The following ARSK variants were observed in gnomAD, a reference collection of about 807,000 sequenced individuals.
The protein encoded by ARSK is arylsulfatase K.
A neutral mutation model predicts 53.2 loss-of-function variants in ARSK; 37 were observed. That is an observed-to-expected ratio of 0.70 (90% CI 0.54 to 0.92). ARSK has a LOEUF of 0.92. ARSK is among the 40% of genes least tolerant of loss of function. ARSK has a pLI of 0.00. For synonymous variants in ARSK, 208 were observed against 223.2 expected, an observed-to-expected ratio of 0.93 and a Z score of 0.61; for missense variants, 613 against 643.0, an observed-to-expected ratio of 0.95 and a Z score of 0.51.
intron 3 of ARSK, among the ~76,000 whole-genome samples, chr5:95,569,306 A>T (rs1748782816): frequency 6.6e-6 from 1 of 152,214 alleles, no homozygotes; most frequent in Non-Finnish European, 1.5e-5. Flanking sequence ...TAATAAGAAA[A>T]AATTAAGTTA....
chr5:95,563,735 C>T (rs1289070230), intron 1 of ARSK, among the ~76,000 whole-genome samples: 1 of 152,126 alleles, frequency 6.6e-6, no homozygotes, highest in South Asian at 2.1e-4. Flanking sequence ...AGTCCAAATC[C>T]CAATATGTGA....
intron 6 of ARSK, among the ~76,000 whole-genome samples, chr5:95,595,929 T>A (rs1198230725): frequency 6.6e-6 from 1 of 152,250 alleles, no homozygotes; most frequent in Non-Finnish European, 1.5e-5. Context: ...TACAAATTGA[T>A]GTTTTTGTTT....
chr5:95,577,841 A>G (rs535538149), intron 3 of ARSK, among the ~76,000 whole-genome samples: 57 of 152,330 alleles, frequency 3.7e-4, no homozygotes, highest in African/African-American at 1.3e-3. Context: ...TAATAGAGAA[A>G]AATCTGTGAT....
intron 1 of ARSK, among the ~76,000 whole-genome samples, chr5:95,563,482 G>A (rs892915808): frequency 1.3e-5 from 2 of 152,120 alleles, no homozygotes; most frequent in African/African-American, 2.4e-5. Context: ...TGATGGAATC[G>A]TTGGGAACTT....
In ARSK at chr5:95,601,154, C is replaced by A. The variant is rs1035958945; in HGVS notation, c.1321+83C>A. ...AGCATTGCTCAAGATATCCAATAATCCTTGTTAAATAAATGAATATCTGCT... is the reference window on the plus strand; with the variant it reads ...AGCATTGCTCAAGATATCCAATAATACTTGTTAAATAAATGAATATCTGCT... On this transcript the variant is annotated intron_variant, in intron 7 of 7. Coordinates refer to ENST00000380009, the MANE Select transcript of ARSK (RefSeq NM_198150.3). 17 of 1,253,546 alleles carry A rather than the reference C, an allele frequency of 1.4e-5. No homozygotes were observed. In the African/African-American group the frequency reaches 2.1e-4, roughly 16 times the overall value. The allele number at this position is 1,253,546 out of a possible 1,614,324, so 77.7% of individuals were successfully genotyped here. A position where few individuals can be genotyped will look rare whatever the true frequency, so the allele number is the denominator to read the frequency against.
intron 2 of ARSK, among the ~76,000 whole-genome samples, chr5:95,567,324 C>G (rs1253081377): frequency 6.6e-6 from 1 of 152,170 alleles, no homozygotes; most frequent in Non-Finnish European, 1.5e-5. Flanking sequence ...CAGAAAACAT[C>G]TTGCTAGATG....
At chr5:95,596,928 A>T (rs1261217242) in intron 6 of ARSK, among the ~76,000 whole-genome samples, 21 of 152,230 alleles carry the variant, frequency 1.4e-4, no homozygotes, top group African/African-American at 5.1e-4. Context: ...TTTGGATCAA[A>T]TAAACTAATT....
At position 95,600,772 on chromosome 5, in the gene ARSK, A is replaced by C. The variant is rs774826906; in HGVS notation, c.1097-75A>C. The C allele has an allele frequency of 3.9e-5, 53 of 1,364,284 alleles. No homozygotes were observed. The East Asian group carries it at 1.1e-3, about 29-fold the overall frequency. 84.5% of individuals were successfully genotyped at this position (1,364,284 alleles called of 1,614,324 possible). A position where few individuals can be genotyped will look rare whatever the true frequency, so the allele number is the denominator to read the frequency against. ...ATTTAATGGTATGAAAAAAATGTGA[A>C]TGATGCTATTTGTGAATGTTCAGCT... On this transcript the variant is annotated intron_variant, in intron 6 of 7. Coordinates refer to ENST00000380009, the MANE Select transcript of ARSK (RefSeq NM_198150.3).
chr5:95,589,940 G>C (rs890281978), intron 5 of ARSK, among the ~76,000 whole-genome samples: 1 of 152,116 alleles, frequency 6.6e-6, no homozygotes, highest in Non-Finnish European at 1.5e-5. Flanking sequence ...TCCAAAATCT[G>C]TTGTTTCTTG....
At chr5:95,601,778 A>G (rs1282389354) in intron 7 of ARSK, among the ~76,000 whole-genome samples, 2 of 152,234 alleles carry the variant, frequency 1.3e-5, no homozygotes, top group Admixed American at 6.5e-5. Context: ...ATTATTATCA[A>G]AATAATACTT....
At chr5:95,601,182 T>A (rs1163554086) in intron 7 of ARSK, 111 bp downstream of exon 7, 1 of 1,057,070 alleles carries the variant, frequency 9.5e-7, no homozygotes, top group African/African-American at 1.6e-5. Context: ...TATCTGCTGC[T>A]TCTCATGCTA....
chr5:95,557,354 T>C (rs1039964158), intron 1 of ARSK, among the ~76,000 whole-genome samples: 1 of 152,250 alleles, frequency 6.6e-6, no homozygotes, highest in African/African-American at 2.4e-5. Context: ...ACTGATACTT[T>C]CCATTCAAAT....
intron 3 of ARSK, among the ~76,000 whole-genome samples, chr5:95,578,551 G>C (rs1748967767): frequency 6.6e-6 from 1 of 152,004 alleles, no homozygotes; most frequent in African/African-American, 2.4e-5. Flanking sequence ...GCATTTTTCA[G>C]AATTATCATT....
intron 3 of ARSK, among the ~76,000 whole-genome samples, chr5:95,574,630 C>T (rs576396766): frequency 2.0e-5 from 3 of 152,198 alleles, no homozygotes; most frequent in East Asian, 1.9e-4. Flanking sequence ...ATTTGCCATT[C>T]GTATGTCTTC....
chr5:95,580,772 T>A (rs1749009168), intron 3 of ARSK: 1 of 381,636 alleles, frequency 2.6e-6, no homozygotes, highest in Admixed American at 3.9e-5. Flanking sequence ...TTTGAATACA[T>A]TAAACAGTGC....
At chr5:95,558,808 C>T (rs1413621365) in intron 1 of ARSK, among the ~76,000 whole-genome samples, 7 of 152,186 alleles carry the variant, frequency 4.6e-5, no homozygotes, top group Admixed American at 2.0e-4. Context: ...AATTCTTCAT[C>T]TACTCTTCCA....
At chr5:95,569,631 A>G (rs1748791029) in intron 3 of ARSK, among the ~76,000 whole-genome samples, 1 of 152,222 alleles carries the variant, frequency 6.6e-6, no homozygotes, top group African/African-American at 2.4e-5. Context: ...CAGAGTCTTC[A>G]GAGGGAATGT....
chr5:95,597,911 GGC>G (rs1038782924), intron 6 of ARSK, among the ~76,000 whole-genome samples: 10 of 149,696 alleles, frequency 6.7e-5, no homozygotes, highest in African/African-American at 1.7e-4. Flanking sequence ...AAAAGTGGGG[GGC>G]GGGTAATAGT....
chr5:95,583,912 C>T (rs1020474734), intron 4 of ARSK, among the ~76,000 whole-genome samples: 22 of 152,138 alleles, frequency 1.4e-4, no homozygotes, highest in African/African-American at 4.8e-4. Flanking sequence ...TTGCCAATAT[C>T]GCTTTCTGTG....
Sources: gnomAD v4.1 joint callset for allele counts (sites outside exome capture counted in the v4.1 genomes callset) on GRCh38, gnomAD v4.1.1 for gene constraint, MANE v1.5 for transcripts, NCBI Gene and HGNC (gene_info 2026-07-23, HGNC 2026-07-21) for gene names.